DLGAP2: variants seen among roughly 807,000 people sequenced by gnomAD.
DLGAP2 encodes disks large-associated protein 2.
Under a neutral mutation model 100.3 loss-of-function variants are expected in DLGAP2, and 26 were observed. That is an observed-to-expected ratio of 0.26 (90% CI 0.19 to 0.36). The LOEUF is 0.36. Ranked by LOEUF, DLGAP2 falls within the 10% of genes least tolerant of loss-of-function variation. The probability of loss-of-function intolerance (pLI) is 1.00; values close to 1 mark genes in which losing one functional copy is unlikely to be tolerated. For missense variants in DLGAP2, 1,858 were observed against 1,453.2 expected (o/e 1.28, Z -4.53); for synonymous variants, 886 against 630.1 (o/e 1.41, Z -6.08).
Position 1,570,291 on chromosome 8 carries a change from C to G in DLGAP2, c.1442+4397C>G, listed in dbSNP as rs143344605. ...GACTTGGGTTTCACCCACGTGAACG[C>G]CCAGCACCCCCTATGACTGTGGCTG... is the stretch of plus-strand genomic sequence containing the variant. On this transcript the variant is annotated intron_variant, in intron 6 of 14. Transcript: ENST00000637795. Among the ~76,000 whole-genome samples, 1,032 of 152,366 alleles carry G rather than the reference C, an allele frequency of 6.8e-3. 16 individuals carry two copies. The highest frequency in any genetic ancestry group is 0.024 in the African/African-American group (983 of 41,596).
intron 2 of DLGAP2, among the ~76,000 whole-genome samples, chr8:935,912 T>C (rs919698533): frequency 5.3e-5 from 8 of 152,166 alleles, no homozygotes; most frequent in African/African-American, 1.9e-4. Context: ...ATTTGCTTAA[T>C]GAAATTTGGA....
At chr8:1,565,389 G>T in intron 5 of DLGAP2, 1 of 311,756 alleles carries the variant, frequency 3.2e-6, no homozygotes, top group Non-Finnish European at 5.8e-6. Flanking sequence ...CTAAATTTTA[G>T]CCAGTGCTTT....
chr8:1,109,470 C>G, intron 2 of DLGAP2, among the ~76,000 whole-genome samples: 1 of 6,258 alleles, frequency 1.6e-4, no homozygotes, highest in Admixed American at 1.5e-3. Context: ...AGGTCTGTGA[C>G]GTGCTGGGTC....
intron 1 of DLGAP2, among the ~76,000 whole-genome samples, chr8:866,092 G>A (rs910502315): frequency 3.9e-5 from 6 of 152,130 alleles, no homozygotes; most frequent in Non-Finnish European, 8.8e-5. Flanking sequence ...GTGCTTATTG[G>A]TTTATCTCAG....
At chr8:824,974 G>T (rs558991007) in intron 1 of DLGAP2, among the ~76,000 whole-genome samples, 1 of 152,186 alleles carries the variant, frequency 6.6e-6, no homozygotes, top group Admixed American at 6.5e-5. Context: ...CCCCACCTCC[G>T]TGGCGGTCTT....
chr8:1,513,748 G>C (rs1459604658), intron 4 of DLGAP2, among the ~76,000 whole-genome samples: 2 of 152,152 alleles, frequency 1.3e-5, no homozygotes. Flanking sequence ...AGATGTGTAA[G>C]TTACAAAAAT....
intron 2 of DLGAP2, among the ~76,000 whole-genome samples, chr8:1,207,945 C>A (rs546734167): frequency 3.3e-5 from 5 of 151,998 alleles, no homozygotes; most frequent in African/African-American, 1.2e-4. Context: ...GGTTTGAGTT[C>A]CTTGAAGATT....
At chr8:1,517,297 G>C (rs1321992434) in intron 4 of DLGAP2, among the ~76,000 whole-genome samples, 1 of 152,172 alleles carries the variant, frequency 6.6e-6, no homozygotes, top group South Asian at 2.1e-4. Flanking sequence ...TGAAGAGTTA[G>C]ACCTGGAGTG....
intron 3 of DLGAP2, among the ~76,000 whole-genome samples, chr8:1,293,444 C>A (rs549103170): frequency 9.8e-5 from 15 of 152,346 alleles, no homozygotes; most frequent in Admixed American, 7.8e-4. Context: ...GCCATGGCTC[C>A]TTCCCTGTGC....
chr8:1,237,117 T>TA (rs1563271480), intron 2 of DLGAP2, among the ~76,000 whole-genome samples: 3 of 46,162 alleles, frequency 6.5e-5, no homozygotes, highest in African/African-American at 2.7e-4. Context: ...CGTGCCTAGT[T>TA]CTGTCTCACA....
intron 2 of DLGAP2, among the ~76,000 whole-genome samples, chr8:1,023,556 G>A (rs923646138): frequency 6.6e-6 from 1 of 152,158 alleles, no homozygotes; most frequent in Non-Finnish European, 1.5e-5. Flanking sequence ...ACCTTTGTGT[G>A]TGTGAACCTC....
intron 3 of DLGAP2, among the ~76,000 whole-genome samples, chr8:1,265,814 A>G (rs532456380): frequency 3.3e-5 from 5 of 152,368 alleles, no homozygotes; most frequent in African/African-American, 9.6e-5. Context: ...AGTGAATAGA[A>G]TGCAAAATAT....
At chr8:1,550,034 C>T (rs757182927) in intron 5 of DLGAP2, among the ~76,000 whole-genome samples, 5 of 152,178 alleles carry the variant, frequency 3.3e-5, no homozygotes, top group Non-Finnish European at 2.9e-5. Context: ...TTCCCCATCC[C>T]CAGTCCCTCT....
intron 3 of DLGAP2, among the ~76,000 whole-genome samples, chr8:1,466,332 C>T (rs908397033): frequency 2.0e-5 from 3 of 152,082 alleles, no homozygotes; most frequent in African/African-American, 4.8e-5. Flanking sequence ...GAGGCCCAGC[C>T]GACCCTCATC....
chr8:800,783 C>T (rs943353597), intron 1 of DLGAP2, among the ~76,000 whole-genome samples: 2 of 151,988 alleles, frequency 1.3e-5, no homozygotes, highest in Non-Finnish European at 2.9e-5. Context: ...CATATGTTTT[C>T]TGAGAGTGGG....
intron 1 of DLGAP2, among the ~76,000 whole-genome samples, chr8:753,249 A>G (rs150500024): frequency 2.8e-4 from 43 of 152,310 alleles, no homozygotes; most frequent in Non-Finnish European, 5.1e-4. Flanking sequence ...GCTGCTCTGT[A>G]TCACGGAACA....
chr8:1,548,866 G>A lies in DLGAP2; in HGVS notation c.413G>A (p.Arg138His), dbSNP rs775453367. Residue 138 changes from arginine to histidine, a missense_variant, in exon 5 of 15, where the codon CGC becomes CAC. Arg to His is a conservative substitution (Grantham distance 29). Coordinates refer to ENST00000637795, the MANE Select transcript of DLGAP2 (RefSeq NM_001346810.2). ...GGGGGGCGCCACCGCTGCTCGCCGC[G>A]CAGCTCGGTGCACTCGGAGTGCGTG... Reference protein sequence around the residue: ...CPGGRHRCSPRSSVHSECVMM... With the variant: ...CPGGRHRCSPHSSVHSECVMM... The A allele has an allele frequency of 3.8e-6, 6 of 1,589,038 alleles. No homozygotes were observed. The highest frequency in any genetic ancestry group is 5.1e-6 in the Non-Finnish European group (6 of 1,173,060).
intron 2 of DLGAP2, among the ~76,000 whole-genome samples, chr8:910,728 C>G (rs756468998): frequency 6.6e-6 from 1 of 152,076 alleles, no homozygotes; most frequent in Non-Finnish European, 1.5e-5. Flanking sequence ...GAAGAGTGGA[C>G]GTCTCAGGTG....
At chr8:769,373 G>A (rs1821298522) in intron 1 of DLGAP2, among the ~76,000 whole-genome samples, 1 of 151,960 alleles carries the variant, frequency 6.6e-6, no homozygotes, top group Non-Finnish European at 1.5e-5. Flanking sequence ...GGTCAGTTGT[G>A]AAGTGGGATG....
Sources: gnomAD v4.1 joint callset for allele counts (sites outside exome capture counted in the v4.1 genomes callset) on GRCh38, gnomAD v4.1.1 for gene constraint, MANE v1.5 for transcripts, NCBI Gene and HGNC (gene_info 2026-07-23, HGNC 2026-07-21) for gene names.